Variants in SLC37A2 observed in about 807,000 individuals in gnomAD.
SLC37A2 encodes glucose-6-phosphate exchanger SLC37A2.
In SLC37A2, 59 loss-of-function variants were observed where a neutral mutation model predicts 70.7. That is an observed-to-expected ratio of 0.83 (90% CI 0.68 to 1.04). The LOEUF is 1.04. Ranked by LOEUF, SLC37A2 falls within the 50% of genes least tolerant of loss-of-function variation. The pLI is 0.00. For synonymous variants in SLC37A2, 257 were observed against 262.1 expected, an observed-to-expected ratio of 0.98 and a Z score of 0.19; for missense variants, 580 against 658.1, an observed-to-expected ratio of 0.88 and a Z score of 1.30.
chr11:125,081,344 G>A, intron 7 of SLC37A2, 77 bp from the exon 8 acceptor site: 1 of 1,456,596 alleles, frequency 6.9e-7, no homozygotes, highest in African/African-American at 1.4e-5. Context: ...CCAGTGCAAG[G>A]TGAGGGCCTG....
At chr11:125,071,124 G>A (rs748411392) in intron 1 of SLC37A2, among the ~76,000 whole-genome samples, 1 of 152,160 alleles carries the variant, frequency 6.6e-6, no homozygotes, top group Non-Finnish European at 1.5e-5. Context: ...CAGACACTAA[G>A]TTGGTGTGTG....
chr11:125,072,859 A>G (rs1339959115), intron 1 of SLC37A2, among the ~76,000 whole-genome samples: 1 of 152,198 alleles, frequency 6.6e-6, no homozygotes, highest in Non-Finnish European at 1.5e-5. Context: ...AGCTCTGACT[A>G]TGCCATGCCC....
rs1253059081 is a variant in SLC37A2, at chr11:125,080,580, T to A, written c.528-34T>A. Reference sequence around the variant, plus strand: ...GAACAATGTGCTTTGCTTTTTACTTTTTATACCTCTTCCCTTCTCTCCCTC... The same window carrying A: ...GAACAATGTGCTTTGCTTTTTACTTATTATACCTCTTCCCTTCTCTCCCTC... On this transcript the variant is annotated intron_variant, in intron 6 of 17. Coordinates refer to ENST00000403796, the MANE Select transcript of SLC37A2 (RefSeq NM_001145290.2). The surrounding 1 kb of genome is among the most constrained non-coding windows in gnomAD (Gnocchi z 4.3). The A allele has an allele frequency of 3.5e-6, 5 of 1,434,504 alleles. No homozygotes were observed. Among genetic ancestry groups the A allele is most frequent in the Non-Finnish European group, 4.6e-6 (5 of 1,084,404 alleles). The allele number at this position is 1,434,504 out of a possible 1,614,324, so 88.9% of individuals were successfully genotyped here. A position where few individuals can be genotyped will look rare whatever the true frequency, so the allele number is the denominator to read the frequency against.
At position 125,080,849 on chromosome 11, in the gene SLC37A2, TCTACTGGAAAGATTGCTGGTCA is replaced by T; in HGVS notation, c.694+71_694+92del. 7.7e-7 allele frequency: 1 copy of T among 1,306,902 alleles called. No homozygotes were observed. Among genetic ancestry groups the T allele is most frequent in the Non-Finnish European group, 9.9e-7 (1 of 1,010,942 alleles). 81.0% of individuals were successfully genotyped at this position (1,306,902 alleles called of 1,614,324 possible). A position where few individuals can be genotyped will look rare whatever the true frequency, so the allele number is the denominator to read the frequency against. Reference sequence around the variant, plus strand: ...CGGTTTCTGGGAGAAGGCAGCTGGATCTACTGGAAAGATTGCTGGTCACAGAGTGGGAGGACCAGCCGTGTGA... The same window carrying T: ...CGGTTTCTGGGAGAAGGCAGCTGGATCAGAGTGGGAGGACCAGCCGTGTGA... On this transcript the variant is annotated intron_variant, in intron 7 of 17. Transcript: ENST00000403796. The surrounding 1 kb of genome is among the most constrained non-coding windows in gnomAD (Gnocchi z 4.3).
rs758395023 is a variant in SLC37A2, at chr11:125,088,446, G to T, written c.*312G>T. On this transcript the variant is annotated 3_prime_UTR_variant, in exon 18 of 18. Coordinates refer to ENST00000403796, the MANE Select transcript of SLC37A2 (RefSeq NM_001145290.2). ...ATATGCTCAGACTCTTGCTTGTTCA[G>T]ATTCCAAGACAGAAGGCTTCACAAG... 1.7e-4 allele frequency: 55 copies of T among 333,016 alleles called. No homozygotes were observed. Among genetic ancestry groups the T allele is most frequent in the Non-Finnish European group, 2.9e-4 (52 of 182,266 alleles). The allele number at this position is 333,016 out of a possible 1,614,324, so 20.6% of individuals were successfully genotyped here. A position where few individuals can be genotyped will look rare whatever the true frequency, so the allele number is the denominator to read the frequency against.
At position 125,063,900 on chromosome 11, in the gene SLC37A2, G is replaced by C. The variant is rs1334861875; in HGVS notation, c.59+474G>C. 6.6e-6 allele frequency among the ~76,000 whole-genome samples: 1 copy of C among 152,194 alleles called. No homozygotes were observed. The highest frequency in any genetic ancestry group is 1.5e-5 in the Non-Finnish European group (1 of 68,046). The stretch of plus-strand genomic sequence containing the variant: ...TCGAACACCAAGGCCAGAACTCAGT[G>C]GTCCTGGGAGCTCGTCTCGAGGCCT... On this transcript the variant is annotated intron_variant, in intron 1 of 17. Coordinates refer to ENST00000403796, the MANE Select transcript of SLC37A2 (RefSeq NM_001145290.2). This position sits in a 1 kb window ranked among gnomAD's most constrained non-coding sequence, Gnocchi z 5.4.
intron 4 of SLC37A2, among the ~76,000 whole-genome samples, chr11:125,078,312 C>T (rs1051541946): frequency 2.6e-5 from 4 of 152,194 alleles, no homozygotes; most frequent in Non-Finnish European, 4.4e-5. Flanking sequence ...TGGGCAGAGA[C>T]GCATGGAAGG....
In SLC37A2 at chr11:125,081,905, C is replaced by T; in HGVS notation, c.884C>T (p.Pro295Leu). ...AGCTTCTTTGGGGCGCTCCGGATCC[C>T]AGTAAGAAGTTTGTGGAATGGAGGA... ...AISFFGALRI[P>L]GVVEFSLCLL... Residue 295 changes from proline (P) to leucine (L), a missense_variant and splice_region_variant, in exon 9 of 18, where the codon CCA (proline) becomes CTA (leucine). Pro to Leu is a moderately conservative substitution (Grantham distance 98). Coordinates refer to ENST00000403796, the MANE Select transcript of SLC37A2 (RefSeq NM_001145290.2). 1.2e-6 allele frequency: 2 copies of T among 1,600,026 alleles called. No individual in the cohort carries two copies. Among genetic ancestry groups the T allele is most frequent in the Non-Finnish European group, 1.7e-6 (2 of 1,174,084 alleles).
At chr11:125,082,409 C>T (rs562750076) in intron 10 of SLC37A2, 75 bp downstream of exon 10, 6 of 1,260,256 alleles carry the variant, frequency 4.8e-6, no homozygotes, top group Admixed American at 1.7e-5. Context: ...GGAAGCCCGT[C>T]GTGGTGATGC....
intron 1 of SLC37A2, among the ~76,000 whole-genome samples, chr11:125,075,935 G>A (rs1949081847): frequency 6.6e-6 from 1 of 152,168 alleles, no homozygotes. Context: ...GCTCCACTCT[G>A]AGGCCTATTT....
At position 125,088,635 on chromosome 11, in the gene SLC37A2, C is replaced by G. The variant is rs1949249902; in HGVS notation, c.*501C>G. The G allele has an allele frequency of 6.5e-6, 1 of 154,134 alleles. No homozygotes were observed. Among genetic ancestry groups the G allele is most frequent in the South Asian group, 2.0e-4 (1 of 4,922 alleles). 9.5% of individuals were successfully genotyped at this position (154,134 alleles called of 1,614,324 possible). ...TCTCTGTGCATTTCCCCAAGCTGGG[C>G]CCTCTTCTACTCTCCATTTAGGCCT... On this transcript the variant is annotated 3_prime_UTR_variant, in exon 18 of 18. Coordinates refer to ENST00000403796, the MANE Select transcript of SLC37A2 (RefSeq NM_001145290.2).
chr11:125,075,355 A>G (rs947323385), intron 1 of SLC37A2, among the ~76,000 whole-genome samples: 8 of 152,226 alleles, frequency 5.3e-5, no homozygotes, highest in Non-Finnish European at 1.2e-4. Flanking sequence ...TGTTGCCACA[A>G]GCTTGCCTAT....
At chr11:125,070,944 G>A (rs1949023709) in intron 1 of SLC37A2, among the ~76,000 whole-genome samples, 1 of 152,222 alleles carries the variant, frequency 6.6e-6, no homozygotes, top group South Asian at 2.1e-4. Flanking sequence ...GTAGCAGCAA[G>A]GTTTCGAAAT....
rs1334690443 is a variant in SLC37A2, at chr11:125,063,688, G to T, written c.59+262G>T. On this transcript the variant is annotated intron_variant, in intron 1 of 17. Transcript: ENST00000403796. The surrounding 1 kb of genome is among the most constrained non-coding windows in gnomAD (Gnocchi z 5.4). Reference sequence around the variant, plus strand: ...GGGGAAGAACAGGCTGCCAGGGAGGGTCTCCATCGTTTCCCGTTTCCATCC... The same window carrying T: ...GGGGAAGAACAGGCTGCCAGGGAGGTTCTCCATCGTTTCCCGTTTCCATCC... 6.6e-6 allele frequency among the ~76,000 whole-genome samples: 1 copy of T among 152,224 alleles called. No individual in the cohort carries two copies. The highest frequency in any genetic ancestry group is 6.5e-5 in the Admixed American group (1 of 15,290).
chr11:125,072,368 G>A (rs1216211732), intron 1 of SLC37A2, among the ~76,000 whole-genome samples: 2 of 152,166 alleles, frequency 1.3e-5, no homozygotes, highest in East Asian at 1.9e-4. Context: ...ACCAGTATCC[G>A]GTGGGGGGGA....
chr11:125,081,393 C>T (rs1461321550), intron 7 of SLC37A2, 28 bp from the exon 8 acceptor site: 1 of 1,599,058 alleles, frequency 6.3e-7, no homozygotes, highest in Non-Finnish European at 8.5e-7. Context: ...GGTTGGGAAA[C>T]TTCTTAGAAA....
chr11:125,072,146 G>A (rs546017725), intron 1 of SLC37A2, among the ~76,000 whole-genome samples: 1 of 152,118 alleles, frequency 6.6e-6, no homozygotes, highest in East Asian at 1.9e-4. Flanking sequence ...GGTGGCAGTC[G>A]GTCTTTTGGG....
rs975496065 is a variant in SLC37A2, at chr11:125,089,774, T to TC, written c.*1643dup. The TC allele has an allele frequency of 1.3e-4, 20 of 155,262 alleles. No individual in the cohort carries two copies. The highest frequency in any genetic ancestry group is 4.6e-4 in the African/African-American group (19 of 41,600). 9.6% of individuals were successfully genotyped at this position (155,262 alleles called of 1,614,324 possible). ...ACCTGCAGCCCGCGGTGCCTGAGCC[T>TC]CCCACCCGCTCCATGGGCTCCTGTG... On this transcript the variant is annotated 3_prime_UTR_variant, in exon 18 of 18. Transcript: ENST00000403796.
intron 1 of SLC37A2, among the ~76,000 whole-genome samples, chr11:125,065,297 G>A (rs1329814890): frequency 6.6e-6 from 1 of 152,130 alleles, no homozygotes; most frequent in African/African-American, 2.4e-5. Flanking sequence ...TGATCTCATT[G>A]GATTTGACTT....
Sources: allele counts gnomAD v4.1 joint callset (sites outside exome capture counted in the v4.1 genomes callset), GRCh38; gene constraint gnomAD v4.1.1; non-coding constraint Gnocchi (gnomAD v3.1); transcripts MANE v1.5; gene names NCBI Gene and HGNC (gene_info 2026-07-23, HGNC 2026-07-21).